SLC16A9: variants seen among roughly 807,000 people sequenced by gnomAD.
SLC16A9 encodes monocarboxylate transporter 9.
Under a neutral mutation model 44.3 loss-of-function variants are expected in SLC16A9, and 26 were observed. The ratio of observed to expected loss-of-function variants is 0.59; its 90% confidence interval spans 0.43 to 0.81. SLC16A9 has a LOEUF of 0.81. SLC16A9 is among the 40% of genes least tolerant of loss of function. The pLI, the probability that SLC16A9 is intolerant of heterozygous loss-of-function variation, is 0.00. For synonymous variants in SLC16A9, 230 were observed against 225.1 expected (o/e 1.02, Z -0.19); for missense variants, 559 against 595.8 (o/e 0.94, Z 0.64).
In SLC16A9 at chr10:59,684,263, C is replaced by T; in HGVS notation, c.29G>A (p.Gly10Glu). 6.2e-7 allele frequency: 1 copy of T among 1,613,590 alleles called. No individual in the cohort carries two copies. Among genetic ancestry groups the T allele is most frequent in the Non-Finnish European group, 8.5e-7 (1 of 1,179,842 alleles). The stretch of plus-strand genomic sequence containing the variant: ...GACAAACACAATCACCCAGCCCCAT[C>T]CACCGTCAGGCGACTTTTTAAGTTC... Reference protein sequence around the residue: MELKKSPDGGWGWVIVFVSF... With the variant: MELKKSPDGEWGWVIVFVSF... Residue 10 changes from glycine to glutamate, a missense_variant, in exon 2 of 6, where the codon GGA (glycine) becomes GAA (glutamate). Physicochemically the swap from Gly to Glu is moderately conservative, Grantham distance 98. Coordinates refer to ENST00000395348, the MANE Select transcript of SLC16A9 (RefSeq NM_194298.3).
chr10:59,708,797 A>C (rs1840699413), intron 1 of SLC16A9: 1 of 152,164 alleles, frequency 6.6e-6, no homozygotes, highest in Non-Finnish European at 1.5e-5. Context: ...GGGCGAACCA[A>C]AGATGGGGCA....
intron 1 of SLC16A9, among the ~76,000 whole-genome samples, chr10:59,694,836 A>ATC (rs1840337535): frequency 7.2e-6 from 1 of 138,036 alleles, no homozygotes; most frequent in African/African-American, 2.6e-5. Context: ...ACACACACAT[A>ATC]TATATACACT....
chr10:59,653,084 C>T (rs1365077518), intron 5 of SLC16A9, 134 bp from the exon 6 acceptor site: 1 of 605,656 alleles, frequency 1.7e-6, no homozygotes, highest in African/African-American at 2.0e-5. Flanking sequence ...GCGTGGTTTA[C>T]TGGGAGTTAG....
intron 1 of SLC16A9, among the ~76,000 whole-genome samples, chr10:59,707,596 A>C (rs1235436318): frequency 1.3e-5 from 2 of 151,978 alleles, no homozygotes; most frequent in Admixed American, 6.6e-5. Flanking sequence ...AAAAAAAAAA[A>C]AAAAACAAAA....
At position 59,681,452 on chromosome 10, in the gene SLC16A9, G is replaced by GTATATGATGTATATGTA. The variant is rs1564705378; in HGVS notation, c.196+2643_196+2644insTACATATACATCATATA. ...ATGTATATGATGTATATGTATATGT[G>GTATATGATGTATATGTA]TATGTGTATGTGTATGTATATGTAT... On this transcript the variant is annotated intron_variant, in intron 2 of 5. Transcript: ENST00000395348. Among the ~76,000 whole-genome samples the GTATATGATGTATATGTA allele has an allele frequency of 1.9e-3, 10 of 5,290 alleles. 3 individuals carry two copies. Among genetic ancestry groups the GTATATGATGTATATGTA allele is most frequent in the African/African-American group, 1.3e-3 (5 of 3,914 alleles). The allele number at this position is 5,290 out of a possible 152,430, so 3.5% of individuals were successfully genotyped here.
chr10:59,699,022 C>T (rs1211956116), intron 1 of SLC16A9, among the ~76,000 whole-genome samples: 3 of 152,148 alleles, frequency 2.0e-5, no homozygotes, highest in Non-Finnish European at 4.4e-5. Context: ...GGGATTACAA[C>T]ACTTTGTCTC....
chr10:59,697,961 G>GAAA (rs1840435614), intron 1 of SLC16A9, among the ~76,000 whole-genome samples: 2 of 64,258 alleles, frequency 3.1e-5, no homozygotes, highest in Admixed American at 1.6e-4. Flanking sequence ...TGGGCACACA[G>GAAA]TAAAAAAAAA....
chr10:59,662,438 C>A (rs1395682024), intron 4 of SLC16A9, among the ~76,000 whole-genome samples: 3 of 151,476 alleles, frequency 2.0e-5, no homozygotes, highest in Non-Finnish European at 4.4e-5. Context: ...AGTTCAAGAC[C>A]TCCATGGCCA....
chr10:59,693,303 C>T (rs1224183917), intron 1 of SLC16A9, among the ~76,000 whole-genome samples: 2 of 152,186 alleles, frequency 1.3e-5, no homozygotes, highest in Non-Finnish European at 2.9e-5. Flanking sequence ...TTAACACTAA[C>T]GTAAGTCCTT....
chr10:59,668,808 A>T (rs1839682212), intron 3 of SLC16A9, among the ~76,000 whole-genome samples: 2 of 152,342 alleles, frequency 1.3e-5, no homozygotes, highest in Non-Finnish European at 2.9e-5. Context: ...TTAAAAAATC[A>T]TAGTACCTTA....
chr10:59,678,546 C>CTTTTTTTTTT lies in SLC16A9; in HGVS notation c.196+5549_196+5550insAAAAAAAAAA, dbSNP rs751112027. ...ATCTTTTTTTTTTCTTTTTCTTTTT[C>CTTTTTTTTTT]TTTTTTTTGAGACGGAGTCTCGCTC... On this transcript the variant is annotated intron_variant, in intron 2 of 5. Transcript: ENST00000395348. Among the ~76,000 whole-genome samples the CTTTTTTTTTT allele has an allele frequency of 1.1e-3, 33 of 30,614 alleles. 8 individuals are homozygous for CTTTTTTTTTT. The highest frequency in any genetic ancestry group is 2.4e-3 in the African/African-American group (27 of 11,280). The allele number at this position is 30,614 out of a possible 152,430, so 20.1% of individuals were successfully genotyped here.
intron 2 of SLC16A9, among the ~76,000 whole-genome samples, chr10:59,680,228 T>A (rs1162416199): frequency 6.6e-6 from 1 of 152,194 alleles, no homozygotes; most frequent in Non-Finnish European, 1.5e-5. Flanking sequence ...TCTTCTCAAT[T>A]ATTTAAGTCT....
intron 4 of SLC16A9, among the ~76,000 whole-genome samples, chr10:59,655,189 C>T (rs187692448): frequency 6.6e-6 from 1 of 152,090 alleles, no homozygotes; most frequent in East Asian, 1.9e-4. Flanking sequence ...ACTTGGGAGG[C>T]TGAGGCAGAA....
chr10:59,688,319 T>C (rs1233707340), intron 1 of SLC16A9, among the ~76,000 whole-genome samples: 1 of 152,234 alleles, frequency 6.6e-6, no homozygotes, highest in African/African-American at 2.4e-5. Flanking sequence ...TGGGCTTCCA[T>C]GGATTTATTT....
At chr10:59,706,021 A>G (rs918600070) in intron 1 of SLC16A9, among the ~76,000 whole-genome samples, 1 of 152,066 alleles carries the variant, frequency 6.6e-6, no homozygotes, top group Admixed American at 6.6e-5. Flanking sequence ...TCTCTGTGCT[A>G]TTCTCTTGTT....
intron 2 of SLC16A9, among the ~76,000 whole-genome samples, chr10:59,678,145 C>G (rs947852500): frequency 6.6e-6 from 1 of 150,878 alleles, no homozygotes; most frequent in Non-Finnish European, 1.5e-5. Context: ...ATGGCCAGGT[C>G]TGCTGCAGTG....
chr10:59,686,041 A>G (rs11006690), intron 1 of SLC16A9, among the ~76,000 whole-genome samples: 18,980 of 150,934 alleles, frequency 0.13, 1,284 homozygotes, highest in Non-Finnish European at 0.14. Flanking sequence ...GCAGTGGCGC[A>G]ATCTCGGCTC....
intron 2 of SLC16A9, among the ~76,000 whole-genome samples, chr10:59,675,602 G>A (rs1477007359): frequency 1.3e-5 from 2 of 152,162 alleles, no homozygotes; most frequent in East Asian, 1.9e-4. Context: ...TGGACAAGTG[G>A]ACTCTGGCAT....
rs1047757874 is a variant in SLC16A9, at chr10:59,687,516, G to A, written c.-36-3189C>T. 3.3e-5 allele frequency among the ~76,000 whole-genome samples: 5 copies of A among 152,066 alleles called. No homozygotes were observed. In the South Asian group the frequency reaches 1.0e-3, roughly 32 times the overall value. On this transcript the variant is annotated intron_variant, in intron 1 of 5. Coordinates refer to ENST00000395348, the MANE Select transcript of SLC16A9 (RefSeq NM_194298.3). ...AAAATATATGTTTTCTACTACTGAAGCATCCATGAATTATTGGATTAAATT... is the reference window on the plus strand; with the variant it reads ...AAAATATATGTTTTCTACTACTGAAACATCCATGAATTATTGGATTAAATT...
Sources: allele counts gnomAD v4.1 joint callset (sites outside exome capture counted in the v4.1 genomes callset), GRCh38; gene constraint gnomAD v4.1.1; transcripts MANE v1.5; gene names NCBI Gene and HGNC (gene_info 2026-07-23, HGNC 2026-07-21).